The following BSN variants were observed in gnomAD, a reference collection of about 807,000 sequenced individuals.
BSN encodes protein bassoon.
BSN carries 57 observed loss-of-function variants against 264.8 expected under a neutral mutation model. That is an observed-to-expected ratio of 0.22 (90% CI 0.17 to 0.27). The LOEUF (loss-of-function observed/expected upper bound fraction) is 0.27. Among genes scored for constraint, BSN ranks in the 10% least tolerant of loss-of-function variants. BSN has a pLI of 1.00. For missense variants in BSN, 4,615 were observed against 5,232.5 expected (o/e 0.88, Z 3.64); for synonymous variants, 2,059 against 2,137.3 (o/e 0.96, Z 1.01).
chr3:49,606,272 A>G (rs2052147264), intron 1 of BSN, among the ~76,000 whole-genome samples: 1 of 87,626 alleles, frequency 1.1e-5, no homozygotes, highest in East Asian at 3.0e-4. Context: ...TATATAATAT[A>G]TATTAAAAAT....
rs747788212 is a variant in BSN, at chr3:49,642,660, C to G, written c.1026C>G (p.Thr342=). The G allele has an allele frequency of 6.2e-7, 1 of 1,608,234 alleles. No homozygotes were observed. Among genetic ancestry groups the G allele is most frequent in the East Asian group, 2.2e-5 (1 of 44,788 alleles). ...VPAGLGATEQ[T]QEGLTGKLFG... ...CTGGGCTTGGTGCCACTGAGCAGAC[C>G]CAGGAGGGCCTCACTGGTAAGCTCT... The change falls in exon 3 of 12, where the codon ACC becomes ACG. Residue 342 remains threonine (T), a synonymous_variant. Coordinates refer to ENST00000296452, the MANE Select transcript of BSN (RefSeq NM_003458.4). The surrounding 1 kb of genome is among the most constrained non-coding windows in gnomAD (Gnocchi z 7.0).
At position 49,662,369 on chromosome 3, in the gene BSN, C is replaced by T. The variant is rs1198679878; in HGVS notation, c.10524C>T (p.Val3508=). The change falls in exon 6 of 12, where the codon GTC becomes GTT. Residue 3508 remains valine (V), a synonymous_variant. Transcript: ENST00000296452. ...AGGCCTCTGAAGAGGAGAGCCCCGT[C>T]AGTCCTTTGGGGAGGCCCCGCCCTG... ...RSQASEEESP[V]SPLGRPRPAG... is the part of the protein sequence containing the mutation. 1 of 1,613,574 alleles carries T rather than the reference C, an allele frequency of 6.2e-7. No homozygotes were observed. The highest frequency in any genetic ancestry group is 2.2e-5 in the East Asian group (1 of 44,884).
At chr3:49,636,085 T>C (rs2052418239) in intron 2 of BSN, among the ~76,000 whole-genome samples, 1 of 152,220 alleles carries the variant, frequency 6.6e-6, no homozygotes, top group Admixed American at 6.5e-5. Flanking sequence ...TTAGCTAAAA[T>C]TTACATATAA....
At chr3:49,582,675 A>G (rs2051903371) in intron 1 of BSN, among the ~76,000 whole-genome samples, 1 of 152,056 alleles carries the variant, frequency 6.6e-6, no homozygotes, top group African/African-American at 2.4e-5. Context: ...TTCCAGTACT[A>G]TGTTAGATAG....
In BSN at chr3:49,642,603, G is replaced by A. The variant is rs1388118546; in HGVS notation, c.969G>A (p.Glu323=). 2 of 1,603,394 alleles carry A rather than the reference G, an allele frequency of 1.2e-6. No homozygotes were observed. The highest frequency in any genetic ancestry group is 1.7e-5 in the Admixed American group (1 of 59,328). ...STAEPRPPAG[E]APAKSATAVP... ...CTGAGCCCAGGCCACCTGCAGGAGA[G>A]GCCCCGGCCAAAAGTGCCACCGCAG... is the stretch of plus-strand genomic sequence containing the variant. The change falls in exon 3 of 12, where the codon GAG becomes GAA. Residue 323 remains glutamate (E), a synonymous_variant. Coordinates refer to ENST00000296452, the MANE Select transcript of BSN (RefSeq NM_003458.4). This position sits in a 1 kb window ranked among gnomAD's most constrained non-coding sequence, Gnocchi z 7.0.
At chr3:49,659,294 A>T (rs2052634632) in intron 5 of BSN, among the ~76,000 whole-genome samples, 1 of 152,164 alleles carries the variant, frequency 6.6e-6, no homozygotes, top group Non-Finnish European at 1.5e-5. Context: ...TCCTGGCTGC[A>T]GGCACAGAGG....
At position 49,620,933 on chromosome 3, in the gene BSN, T is replaced by TCA. The variant is rs370807356; in HGVS notation, c.225-4027_225-4026dup. Among the ~76,000 whole-genome samples, 62 of 151,766 alleles carry TCA rather than the reference T, an allele frequency of 4.1e-4. No individual in the cohort carries two copies. In the South Asian group the frequency reaches 8.7e-3, roughly 21 times the overall value. On this transcript the variant is annotated intron_variant, in intron 1 of 11. Transcript: ENST00000296452. ...TCCAGCCTGGGCAACAGAAGGAGAC[T>TCA]CACACACACACACACAAAAAGACTT...
At chr3:49,646,845 T>G (rs2052506209) in intron 3 of BSN, among the ~76,000 whole-genome samples, 1 of 152,014 alleles carries the variant, frequency 6.6e-6, no homozygotes, top group Non-Finnish European at 1.5e-5. Flanking sequence ...GGGGACACCA[T>G]GGTGGGTTTA....
chr3:49,593,957 C>G (rs2052001057), intron 1 of BSN, among the ~76,000 whole-genome samples: 1 of 151,844 alleles, frequency 6.6e-6, no homozygotes, highest in African/African-American at 2.4e-5. Context: ...CACCCGCCAC[C>G]ACGCCTTCCT....
At chr3:49,639,265 C>T (rs2052443189) in intron 2 of BSN, among the ~76,000 whole-genome samples, 1 of 142,498 alleles carries the variant, frequency 7.0e-6, no homozygotes, top group African/African-American at 2.6e-5. Flanking sequence ...GTGGCATGAT[C>T]TCGGCTCACT....
intron 1 of BSN, among the ~76,000 whole-genome samples, chr3:49,592,565 A>G (rs1410277823): frequency 6.6e-6 from 1 of 150,516 alleles, no homozygotes; most frequent in Non-Finnish European, 1.5e-5. Context: ...TATCCTGGCT[A>G]ACACGGTGAA....
intron 1 of BSN, among the ~76,000 whole-genome samples, chr3:49,619,962 G>A (rs950702805): frequency 7.4e-6 from 1 of 134,788 alleles, no homozygotes; most frequent in African/African-American, 2.7e-5. Flanking sequence ...GAAAGCACAC[G>A]GAGACTGTGC....
Position 49,585,359 on chromosome 3 carries a change from CACTA to C in BSN, c.224+30535_224+30538del, listed in dbSNP as rs2051926571. Among the ~76,000 whole-genome samples the C allele has an allele frequency of 6.6e-6, 1 of 152,200 alleles. No homozygotes were observed. The highest frequency in any genetic ancestry group is 1.5e-5 in the Non-Finnish European group (1 of 68,032). Reference sequence around the variant, plus strand: ...ATCCCAGTATCTTCTGCACATATTTCACTAATTATTTCCTCTCGGAACTCCTCCC... The same window carrying C: ...ATCCCAGTATCTTCTGCACATATTTCATTATTTCCTCTCGGAACTCCTCCC... On this transcript the variant is annotated intron_variant, in intron 1 of 11. Transcript: ENST00000296452. This position sits in a 1 kb window ranked among gnomAD's most constrained non-coding sequence, Gnocchi z 4.7.
At chr3:49,562,210 G>A (rs776330088) in intron 1 of BSN, among the ~76,000 whole-genome samples, 29 of 152,316 alleles carry the variant, frequency 1.9e-4, no homozygotes, top group Non-Finnish European at 3.8e-4. Flanking sequence ...GTGTATGGGA[G>A]TGTTTGTGGG....
Position 49,668,611 on chromosome 3 carries a change from C to G in BSN, c.*1126C>G, listed in dbSNP as rs943196110. ...CGAGGTCTGGGGAGGCCTCCCAGCC[C>G]GCCTCTGTTTACTGTGCAATTCCAG... On this transcript the variant is annotated 3_prime_UTR_variant, in exon 12 of 12. Coordinates refer to ENST00000296452, the MANE Select transcript of BSN (RefSeq NM_003458.4). The G allele has an allele frequency of 6.6e-6, 1 of 152,596 alleles. No individual in the cohort carries two copies. Among genetic ancestry groups the G allele is most frequent in the Non-Finnish European group, 1.5e-5 (1 of 68,068 alleles). The allele number at this position is 152,596 out of a possible 1,614,324, so 9.5% of individuals were successfully genotyped here. A position where few individuals can be genotyped will look rare whatever the true frequency, so the allele number is the denominator to read the frequency against.
At position 49,625,421 on chromosome 3, in the gene BSN, C is replaced by T. The variant is rs1478177351; in HGVS notation, c.633+38C>T. 1 of 1,428,136 alleles carries T rather than the reference C, an allele frequency of 7.0e-7. No individual in the cohort carries two copies. 88.5% of individuals were successfully genotyped at this position (1,428,136 alleles called of 1,614,324 possible). A position where few individuals can be genotyped will look rare whatever the true frequency, so the allele number is the denominator to read the frequency against. ...GCGCCGGCTCCCCACTCACCTGCTA[C>T]CTCATTACCATACCTCCCCTGGTTC... On this transcript the variant is annotated intron_variant, in intron 2 of 11. Transcript: ENST00000296452. The surrounding 1 kb of genome is among the most constrained non-coding windows in gnomAD (Gnocchi z 4.4).
In BSN at chr3:49,656,108, A is replaced by G. The variant is rs779779705; in HGVS notation, c.6552A>G (p.Thr2184=). The change falls in exon 5 of 12, where the codon ACA becomes ACG. Residue 2184 remains threonine, a synonymous_variant. Transcript: ENST00000296452. ...CAGTCAGACAGCTGCTGCCGTCCAC[A>G]GCCACTGTACGTGCAGCTGATGGCA... The part of the protein sequence containing the change: ...GTAVRQLLPS[T]ATVRAADGMI... 6.2e-7 allele frequency: 1 copy of G among 1,612,710 alleles called. No individual in the cohort carries two copies. The highest frequency in any genetic ancestry group is 1.7e-5 in the Admixed American group (1 of 60,014).
At chr3:49,608,909 C>CTAAA (rs1441076326) in intron 1 of BSN, among the ~76,000 whole-genome samples, 2 of 151,582 alleles carry the variant, frequency 1.3e-5, no homozygotes, top group African/African-American at 2.4e-5. Flanking sequence ...TAGCTTCATG[C>CTAAA]TGCATGCAGG....
At chr3:49,583,871 T>G (rs777199193) in intron 1 of BSN, among the ~76,000 whole-genome samples, 4 of 151,928 alleles carry the variant, frequency 2.6e-5, no homozygotes, top group Non-Finnish European at 5.9e-5. Context: ...TCCGATTTAT[T>G]TATTTATTTA....
Sources: gnomAD v4.1 joint callset for allele counts (sites outside exome capture counted in the v4.1 genomes callset) on GRCh38, gnomAD v4.1.1 for gene constraint, Gnocchi (gnomAD v3.1) non-coding constraint, MANE v1.5 for transcripts, NCBI Gene and HGNC (gene_info 2026-07-23, HGNC 2026-07-21) for gene names.